Variants in ARHGAP25 observed in about 807,000 individuals in gnomAD.
ARHGAP25 encodes the protein rho GTPase-activating protein 25.
In ARHGAP25, 34 loss-of-function variants were observed where a neutral mutation model predicts 71.0. The observed-to-expected ratio is 0.48, with a 90% CI of 0.36 to 0.64. The LOEUF is 0.64. ARHGAP25 is among the 30% of genes least tolerant of loss of function. The pLI, the probability that ARHGAP25 is intolerant of heterozygous loss-of-function variation, is 0.00. For missense variants in ARHGAP25, 706 were observed against 805.1 expected, an observed-to-expected ratio of 0.88 and a Z score of 1.49; for synonymous variants, 282 against 296.5, an observed-to-expected ratio of 0.95 and a Z score of 0.50.
chr2:68,806,610 ACT>A (rs1256416684), intron 4 of ARHGAP25, among the ~76,000 whole-genome samples: 1 of 152,182 alleles, frequency 6.6e-6, no homozygotes, highest in Non-Finnish European at 1.5e-5. Flanking sequence ...CAAAGGGATG[ACT>A]CACATCTTAG....
chr2:68,813,610 A>G (rs1680993345), intron 6 of ARHGAP25, among the ~76,000 whole-genome samples, 191 bp downstream of exon 6: 1 of 152,232 alleles, frequency 6.6e-6, no homozygotes, highest in Non-Finnish European at 1.5e-5. Context: ...CATGAGATGC[A>G]ATAATCCAAT....
intron 2 of ARHGAP25, among the ~76,000 whole-genome samples, chr2:68,715,428 C>A (rs887979384): frequency 3.3e-5 from 5 of 152,182 alleles, no homozygotes; most frequent in Admixed American, 2.6e-4. Context: ...AGACAAAACT[C>A]ATTTCTTCTT....
At chr2:68,810,567 TTGA>T (rs1680712061) in intron 5 of ARHGAP25, among the ~76,000 whole-genome samples, 1 of 152,180 alleles carries the variant, frequency 6.6e-6, no homozygotes, top group South Asian at 2.1e-4. Context: ...TATTATAACT[TTGA>T]AGTATCCATG....
upstream of ARHGAP25, among the ~76,000 whole-genome samples, chr2:68,730,455 G>C (rs935501120): frequency 2.0e-5 from 3 of 152,044 alleles, no homozygotes; most frequent in Non-Finnish European, 2.9e-5. Context: ...ACCAGCCTGG[G>C]CAACATAGTG....
intron 2 of ARHGAP25, among the ~76,000 whole-genome samples, chr2:68,714,655 C>T (rs1361524145): frequency 1.3e-5 from 2 of 152,148 alleles, no homozygotes; most frequent in Non-Finnish European, 2.9e-5. Flanking sequence ...ACTACTTTAT[C>T]CGTGTCCCAG....
intron 1 of ARHGAP25, among the ~76,000 whole-genome samples, chr2:68,738,184 T>C (rs1416251127): frequency 6.6e-6 from 1 of 152,170 alleles, no homozygotes; most frequent in African/African-American, 2.4e-5. Flanking sequence ...TGACAGCCTT[T>C]CACTGCCTTC....
At chr2:68,758,274 T>A (rs1316995716) in intron 1 of ARHGAP25, among the ~76,000 whole-genome samples, 3 of 151,906 alleles carry the variant, frequency 2.0e-5, no homozygotes, top group Admixed American at 2.0e-4. Context: ...AGTAATTACA[T>A]TAAATGTAAA....
In ARHGAP25 at chr2:68,817,997, A is replaced by G. The variant is rs1166510940; in HGVS notation, c.1003+3A>G. ...AGACCCTGCCGTGATCATGAGAGGTATGGCTGGTCCCGTAGTGAAAGCAGG... is the reference window on the plus strand; with the variant it reads ...AGACCCTGCCGTGATCATGAGAGGTGTGGCTGGTCCCGTAGTGAAAGCAGG... On this transcript the variant is annotated splice_donor_region_variant and intron_variant, in intron 8 of 10. Transcript: ENST00000409202. The G allele has an allele frequency of 6.2e-7, 1 of 1,613,948 alleles. No individual in the cohort carries two copies. Among genetic ancestry groups the G allele is most frequent in the South Asian group, 1.1e-5 (1 of 91,072 alleles).
chr2:68,785,284 C>G (rs1678666211), intron 3 of ARHGAP25, among the ~76,000 whole-genome samples: 1 of 152,028 alleles, frequency 6.6e-6, no homozygotes, highest in African/African-American at 2.4e-5. Context: ...GAATTGAAAA[C>G]AAAAGTAAGT....
intron 4 of ARHGAP25, among the ~76,000 whole-genome samples, chr2:68,790,463 T>A (rs1170402566): frequency 1.3e-5 from 2 of 152,054 alleles, no homozygotes; most frequent in Admixed American, 6.6e-5. Context: ...GCCCAGGAGG[T>A]GAGGGGCAGG....
rs146355995 is a variant in ARHGAP25 at position 68,783,352 on chromosome 2, A to G, written c.349+1032A>G. On this transcript the variant is annotated intron_variant, in intron 3 of 10. Coordinates refer to ENST00000409202, the MANE Select transcript of ARHGAP25 (RefSeq NM_001007231.3). The stretch of plus-strand genomic sequence containing the variant: ...ATTTGGGAATAATCTAGAGATAATT[A>G]TAATGCAGAAAAAAAATCCTAAACT... Among the ~76,000 whole-genome samples, 60 of 152,356 alleles carry G rather than the reference A, an allele frequency of 3.9e-4. No homozygotes were observed. The East Asian group carries it at 8.7e-3, about 22-fold the overall frequency.
chr2:68,782,420 A>G, intron 3 of ARHGAP25, 100 bp downstream of exon 3: 2 of 1,049,940 alleles, frequency 1.9e-6, no homozygotes, highest in East Asian at 2.4e-5. Context: ...GAGTAATTCA[A>G]CTAACTAACC....
intron 2 of ARHGAP25, among the ~76,000 whole-genome samples, chr2:68,714,506 A>G (rs541793024): frequency 2.7e-4 from 41 of 151,708 alleles, no homozygotes; most frequent in African/African-American, 9.9e-4. Flanking sequence ...GATCTTAGTT[A>G]TTTCTTGTCT....
At chr2:68,734,242 G>C (rs1334083401), upstream of ARHGAP25, among the ~76,000 whole-genome samples, 1 of 152,212 alleles carries the variant, frequency 6.6e-6, no homozygotes, top group African/African-American at 2.4e-5. Flanking sequence ...TCAGTTGCTT[G>C]TTCAAAAGTT....
At chr2:68,758,787 C>T (rs1187723746) in intron 1 of ARHGAP25, among the ~76,000 whole-genome samples, 2 of 151,818 alleles carry the variant, frequency 1.3e-5, no homozygotes, top group African/African-American at 4.8e-5. Context: ...AACACTCTAT[C>T]CAACAACAAA....
At chr2:68,772,394 A>G (rs192976035) in intron 1 of ARHGAP25, among the ~76,000 whole-genome samples, 55 of 152,330 alleles carry the variant, frequency 3.6e-4, no homozygotes, top group Non-Finnish European at 6.6e-4. Context: ...CTCATATGCC[A>G]CTGCTAGAAG....
chr2:68,788,641 A>G (rs1413378114), intron 4 of ARHGAP25, among the ~76,000 whole-genome samples: 1 of 152,184 alleles, frequency 6.6e-6, no homozygotes, highest in Admixed American at 6.5e-5. Flanking sequence ...AAATTAACAA[A>G]CACGTGAATC....
chr2:68,712,464 T>C (rs547547415), intron 2 of ARHGAP25, among the ~76,000 whole-genome samples: 57 of 152,350 alleles, frequency 3.7e-4, no homozygotes, highest in African/African-American at 1.3e-3. Context: ...AGGTTGCCTG[T>C]TCATTCTGAA....
At chr2:68,803,799 C>A (rs767982734) in intron 4 of ARHGAP25, among the ~76,000 whole-genome samples, 1 of 151,566 alleles carries the variant, frequency 6.6e-6, no homozygotes, top group African/African-American at 2.4e-5. Context: ...GGAGTTCACT[C>A]GTAACCCTCC....
Sources: allele counts gnomAD v4.1 joint callset (sites outside exome capture counted in the v4.1 genomes callset), GRCh38; gene constraint gnomAD v4.1.1; transcripts MANE v1.5; gene names NCBI Gene and HGNC (gene_info 2026-07-23, HGNC 2026-07-21).